ERBB4: variants seen among roughly 807,000 people sequenced by gnomAD.
ERBB4 encodes the protein erb-b2 receptor tyrosine kinase 4.
ERBB4 carries 42 observed loss-of-function variants against 158.0 expected under a neutral mutation model. That is an observed-to-expected ratio of 0.27 (90% CI 0.21 to 0.34). ERBB4 has a LOEUF of 0.34. Ranked by LOEUF, ERBB4 falls within the 10% of genes least tolerant of loss-of-function variation. The probability of loss-of-function intolerance (pLI) is 1.00; values close to 1 mark genes in which losing one functional copy is unlikely to be tolerated. For missense variants in ERBB4, 1,333 were observed against 1,624.1 expected (o/e 0.82, Z 3.08); for synonymous variants, 583 against 558.7 (o/e 1.04, Z -0.61).
At chr2:211,813,778 A>T (rs2076815395) in intron 3 of ERBB4, among the ~76,000 whole-genome samples, 1 of 152,152 alleles carries the variant, frequency 6.6e-6, no homozygotes, top group South Asian at 2.1e-4. Flanking sequence ...TTAATTTTTT[A>T]AATCTGATAT....
chr2:212,456,421 T>C (rs1252168072), intron 1 of ERBB4, among the ~76,000 whole-genome samples: 3 of 151,934 alleles, frequency 2.0e-5, no homozygotes, highest in African/African-American at 7.2e-5. Context: ...CAAGATTAAG[T>C]GACAAGTAGA....
intron 3 of ERBB4, among the ~76,000 whole-genome samples, chr2:211,869,029 A>G (rs1222025578): frequency 6.6e-6 from 1 of 152,016 alleles, no homozygotes; most frequent in Admixed American, 6.6e-5. Flanking sequence ...ATGACTTAAC[A>G]TTTTCTCTAA....
intron 1 of ERBB4, among the ~76,000 whole-genome samples, chr2:212,366,520 G>A (rs2089896258): frequency 6.6e-6 from 1 of 151,882 alleles, no homozygotes; most frequent in Admixed American, 6.6e-5. Context: ...GGAGATCTAT[G>A]GCTACCACAA....
intron 2 of ERBB4, among the ~76,000 whole-genome samples, chr2:212,082,519 A>T (rs889057774): frequency 1.1e-4 from 16 of 152,096 alleles, no homozygotes; most frequent in Non-Finnish European, 2.1e-4. Flanking sequence ...GTATTAGAAC[A>T]GGGCTTTTTT....
chr2:212,306,402 A>G (rs13011004), intron 1 of ERBB4, among the ~76,000 whole-genome samples: 3,577 of 151,534 alleles, frequency 0.024, 59 homozygotes, highest in Non-Finnish European at 0.038. Flanking sequence ...CTCCTGCATG[A>G]TGGATGGTTG....
At chr2:211,896,055 C>A (rs1014932093) in intron 3 of ERBB4, among the ~76,000 whole-genome samples, 1 of 152,118 alleles carries the variant, frequency 6.6e-6, no homozygotes, top group Non-Finnish European at 1.5e-5. Context: ...CTGGATCCTT[C>A]GTCTTCTCTA....
At chr2:211,862,410 A>T (rs1022201839) in intron 3 of ERBB4, among the ~76,000 whole-genome samples, 1 of 152,154 alleles carries the variant, frequency 6.6e-6, no homozygotes, top group South Asian at 2.1e-4. Context: ...TTTGTTCTCA[A>T]TTTTTTTCAA....
chr2:211,921,301 C>T (rs887956172), intron 3 of ERBB4, among the ~76,000 whole-genome samples: 14 of 152,118 alleles, frequency 9.2e-5, no homozygotes, highest in Non-Finnish European at 1.5e-4. Flanking sequence ...ACATGATCCC[C>T]TCATTCCATG....
chr2:212,151,168 C>T (rs554564449), intron 1 of ERBB4, among the ~76,000 whole-genome samples: 4 of 151,828 alleles, frequency 2.6e-5, no homozygotes, highest in South Asian at 2.1e-4. Flanking sequence ...TAAAAATATA[C>T]ATAGGTTAAG....
chr2:211,534,334 A>G (rs2066586231), intron 20 of ERBB4, among the ~76,000 whole-genome samples: 1 of 152,020 alleles, frequency 6.6e-6, no homozygotes, highest in Admixed American at 6.6e-5. Context: ...AACATGGTCA[A>G]CTCGGGAGAA....
chr2:212,525,183 A>G (rs1353210258), intron 1 of ERBB4, among the ~76,000 whole-genome samples: 2 of 152,086 alleles, frequency 1.3e-5, no homozygotes, highest in East Asian at 1.9e-4. Flanking sequence ...GAGGCTCCAC[A>G]TTCCTAGTAG....
At chr2:212,461,358 C>T (rs1359928661) in intron 1 of ERBB4, among the ~76,000 whole-genome samples, 2 of 152,186 alleles carry the variant, frequency 1.3e-5, no homozygotes, top group South Asian at 4.1e-4. Flanking sequence ...CCTCTTGCAT[C>T]CCACTGTGAC....
In ERBB4 at chr2:211,383,470, A is replaced by C; in HGVS notation, c.*145T>G. 1 of 688,154 alleles carries C rather than the reference A, an allele frequency of 1.5e-6. No homozygotes were observed. The highest frequency in any genetic ancestry group is 1.7e-5 in the South Asian group (1 of 60,518). 42.6% of individuals were successfully genotyped at this position (688,154 alleles called of 1,614,324 possible). A position where few individuals can be genotyped will look rare whatever the true frequency, so the allele number is the denominator to read the frequency against. On this transcript the variant is annotated 3_prime_UTR_variant, in exon 28 of 28. Coordinates refer to ENST00000342788, the MANE Select transcript of ERBB4 (RefSeq NM_005235.3). ...TCTAATGTTCAAGTTAGGTAAGCAC[A>C]TAACTATCATTGCATCTCTGTATCT...
At chr2:211,783,862 A>G (rs867986872) in intron 4 of ERBB4, among the ~76,000 whole-genome samples, 2 of 152,290 alleles carry the variant, frequency 1.3e-5, no homozygotes, top group Middle Eastern at 3.4e-3. Flanking sequence ...AGGCTTTGGT[A>G]TCAGGATGAT....
intron 1 of ERBB4, among the ~76,000 whole-genome samples, chr2:212,477,425 G>A (rs1404991408): frequency 1.3e-5 from 2 of 152,112 alleles, no homozygotes; most frequent in Non-Finnish European, 2.9e-5. Context: ...GACGATAAAT[G>A]TGCAGTACAC....
At chr2:211,622,264 C>T (rs2069633615) in intron 18 of ERBB4, among the ~76,000 whole-genome samples, 1 of 152,002 alleles carries the variant, frequency 6.6e-6, no homozygotes, top group Non-Finnish European at 1.5e-5. Context: ...TTTTTTCTAG[C>T]ACAATCTAAA....
chr2:212,232,609 C>T (rs761606284), intron 1 of ERBB4, among the ~76,000 whole-genome samples: 1 of 152,104 alleles, frequency 6.6e-6, no homozygotes, highest in African/African-American at 2.4e-5. Context: ...GGGGTTTCAC[C>T]GTGTTAGCCA....
intron 16 of ERBB4, 32 bp downstream of exon 16, chr2:211,657,722 G>A (rs1487194234): frequency 6.5e-7 from 1 of 1,548,094 alleles, no homozygotes; most frequent in African/African-American, 1.4e-5. Context: ...GAAAGGATTT[G>A]AGCGACAAAA....
intron 3 of ERBB4, among the ~76,000 whole-genome samples, chr2:211,859,698 T>C (rs1002720761): frequency 6.6e-6 from 1 of 152,158 alleles, no homozygotes; most frequent in Non-Finnish European, 1.5e-5. Context: ...CTGTGATTGC[T>C]TTGGAATTAA....
Sources: allele counts gnomAD v4.1 joint callset (sites outside exome capture counted in the v4.1 genomes callset), GRCh38; gene constraint gnomAD v4.1.1; transcripts MANE v1.5; gene names NCBI Gene and HGNC (gene_info 2026-07-23, HGNC 2026-07-21).